Variants in WAPL observed in about 807,000 individuals in gnomAD.
The protein encoded by WAPL is wings apart-like protein homolog.
WAPL carries 5 observed loss-of-function variants against 121.0 expected under a neutral mutation model. The observed-to-expected ratio is 0.04, with a 90% CI of 0.02 to 0.09. The LOEUF (loss-of-function observed/expected upper bound fraction) is 0.09, where lower values mean the gene tolerates loss of function less well. Among genes scored for constraint, WAPL ranks in the 10% least tolerant of loss-of-function variants. The probability of loss-of-function intolerance (pLI) is 1.00; values close to 1 mark genes in which losing one functional copy is unlikely to be tolerated. For missense variants in WAPL, 999 were observed against 1,410.8 expected (o/e 0.71, Z 4.68); for synonymous variants, 480 against 481.5 (o/e 1.00, Z 0.04).
chr10:86,453,372 A>T (rs1156369561), intron 13 of WAPL, 37 bp from the exon 14 acceptor site: 1 of 1,592,602 alleles, frequency 6.3e-7, no homozygotes, highest in Non-Finnish European at 8.6e-7. Context: ...ATGGTTACTG[A>T]TTCTTCCTTA....
rs1291511350 is a variant in WAPL at position 86,461,242 on chromosome 10, G to A, written c.2416C>T (p.Arg806Ter). The A allele has an allele frequency of 1.2e-6, 2 of 1,613,536 alleles. No individual in the cohort carries two copies. The highest frequency in any genetic ancestry group is 8.5e-7 in the Non-Finnish European group (1 of 1,179,876). Residue 806 changes from arginine to a stop codon, truncating the protein, a stop_gained, in exon 10 of 19, where the codon CGA becomes TGA. Coordinates refer to ENST00000298767, the MANE Select transcript of WAPL (RefSeq NM_015045.5). LOFTEE classifies it high-confidence loss of function. ...METLLSLTSK[R>*]AGDWFKEELR... ...TCTTCTTTAAACCAGTCTCCTGCTC[G>A]TTTAGAAGTAAGGGATAATAATGTC...
At chr10:86,502,121 T>C (rs1392237431) in intron 2 of WAPL, among the ~76,000 whole-genome samples, 2 of 152,370 alleles carry the variant, frequency 1.3e-5, no homozygotes, top group East Asian at 1.9e-4. Context: ...TAGAAATAAC[T>C]TTCCACGAAC....
intron 2 of WAPL, among the ~76,000 whole-genome samples, chr10:86,511,204 C>T (rs1272493323): frequency 1.3e-5 from 2 of 152,144 alleles, no homozygotes; most frequent in Non-Finnish European, 2.9e-5. Context: ...AAGGCTGAGG[C>T]AGGAGGCTGA....
Position 86,517,597 on chromosome 10 carries a change from C to T in WAPL, c.473G>A (p.Ser158Asn). The T allele has an allele frequency of 6.2e-7, 1 of 1,612,390 alleles. No homozygotes were observed. The highest frequency in any genetic ancestry group is 8.5e-7 in the Non-Finnish European group (1 of 1,178,926). ...NRIVEDDASISSCNKLITSDK... is the reference protein window; with the variant it reads ...NRIVEDDASINSCNKLITSDK... ...TGAAGTTATTAATTTATTACAGCTA[C>T]TTATGCTTGCATCATCTTCTACAAT... The change falls in exon 2 of 19, where the codon AGT becomes AAT. Residue 158 changes from serine to asparagine, a missense_variant. Transcript: ENST00000298767.
chr10:86,518,079 A>C lies in WAPL; in HGVS notation c.-10T>G. The C allele has an allele frequency of 6.2e-7, 1 of 1,608,912 alleles. No homozygotes were observed. Among genetic ancestry groups the C allele is most frequent in the Non-Finnish European group, 8.5e-7 (1 of 1,177,082 alleles). On this transcript the variant is annotated 5_prime_UTR_variant, in exon 2 of 19. Coordinates refer to ENST00000298767, the MANE Select transcript of WAPL (RefSeq NM_015045.5). ...CAAATCTGGATGTCATTTTGACACC[A>C]GTTTCATATTCTCTGTGAAAAAAAA... is the stretch of plus-strand genomic sequence containing the variant.
At chr10:86,521,174 G>A (rs899809166) in intron 1 of WAPL, among the ~76,000 whole-genome samples, 191 bp downstream of exon 1, 1 of 152,152 alleles carries the variant, frequency 6.6e-6, no homozygotes, top group Non-Finnish European at 1.5e-5. Flanking sequence ...ATCAGCAGTC[G>A]CCCGAAAAAG....
intron 4 of WAPL, among the ~76,000 whole-genome samples, chr10:86,493,435 T>C (rs1842087883): frequency 6.6e-6 from 1 of 152,174 alleles, no homozygotes; most frequent in Non-Finnish European, 1.5e-5. Context: ...TGTACAATTA[T>C]GGTTAAATGC....
At chr10:86,445,500 G>T (rs75510378) in intron 16 of WAPL, among the ~76,000 whole-genome samples, 1,702 of 151,370 alleles carry the variant, frequency 0.011, 32 homozygotes, top group African/African-American at 0.039. Flanking sequence ...AATAATGTAT[G>T]ATTAGCGAAG....
chr10:86,476,296 C>T (rs911070877), intron 4 of WAPL, among the ~76,000 whole-genome samples: 2 of 152,012 alleles, frequency 1.3e-5, no homozygotes, highest in East Asian at 1.9e-4. Context: ...ACCCGGGAGT[C>T]GGAGGTTGCA....
At chr10:86,447,313 T>C (rs1849646916) in intron 15 of WAPL, among the ~76,000 whole-genome samples, 1 of 152,138 alleles carries the variant, frequency 6.6e-6, no homozygotes, top group Non-Finnish European at 1.5e-5. Context: ...GAGATAAAAA[T>C]GTATTAGAAG....
intron 16 of WAPL, among the ~76,000 whole-genome samples, chr10:86,444,747 G>T (rs1321918401): frequency 1.3e-5 from 2 of 151,938 alleles, no homozygotes; most frequent in Non-Finnish European, 2.9e-5. Context: ...TGGAATTAGT[G>T]GTGATGGCAG....
At chr10:86,480,395 T>C (rs1841755123) in intron 4 of WAPL, among the ~76,000 whole-genome samples, 1 of 152,208 alleles carries the variant, frequency 6.6e-6, no homozygotes, top group Admixed American at 6.5e-5. Context: ...AACTTGGTCA[T>C]AAGTTCTAAA....
At chr10:86,484,076 C>T (rs1016388520) in intron 4 of WAPL, among the ~76,000 whole-genome samples, 9 of 151,938 alleles carry the variant, frequency 5.9e-5, no homozygotes, top group Non-Finnish European at 8.8e-5. Flanking sequence ...AAAAAGCTTA[C>T]GGAATAAAGA....
Position 86,437,454 on chromosome 10 carries a change from T to C in WAPL, c.*89A>G, listed in dbSNP as rs1187881969. 1.0e-5 allele frequency: 14 copies of C among 1,366,410 alleles called. No individual in the cohort carries two copies. Among genetic ancestry groups the C allele is most frequent in the Non-Finnish European group, 1.3e-5 (13 of 991,122 alleles). The allele number at this position is 1,366,410 out of a possible 1,614,324, so 84.6% of individuals were successfully genotyped here. A position where few individuals can be genotyped will look rare whatever the true frequency, so the allele number is the denominator to read the frequency against. On this transcript the variant is annotated 3_prime_UTR_variant, in exon 19 of 19. Transcript: ENST00000298767. ...ATGATACTGATGAATGTTCTTGGTA[T>C]ATCTTCAAGGACTTCTTTCATGACT... is the stretch of plus-strand genomic sequence containing the variant.
rs566538414 is a variant in WAPL, at chr10:86,520,507, C to T, written c.-23+858G>A. Among the ~76,000 whole-genome samples, 4 of 152,192 alleles carry T rather than the reference C, an allele frequency of 2.6e-5. No homozygotes were observed. In the South Asian group the frequency reaches 8.3e-4, roughly 32 times the overall value. On this transcript the variant is annotated intron_variant, in intron 1 of 18. Coordinates refer to ENST00000298767, the MANE Select transcript of WAPL (RefSeq NM_015045.5). ...TTATATAATATCTCCTCCTGATTGC[C>T]TTTATCGTTTCCCACAATAAAATGT...
intron 12 of WAPL, among the ~76,000 whole-genome samples, chr10:86,458,337 C>T (rs1437039109): frequency 2.0e-5 from 3 of 152,074 alleles, no homozygotes; most frequent in Admixed American, 6.6e-5. Flanking sequence ...GGAATTTTAC[C>T]TGCAAGGAGG....
Position 86,453,723 on chromosome 10 carries a change from T to A in WAPL, c.2766A>T (p.Val922=). Residue 922 remains valine (V), a synonymous_variant, in exon 13 of 19, where the codon GTA becomes GTT. Coordinates refer to ENST00000298767, the MANE Select transcript of WAPL (RefSeq NM_015045.5). ...TCATGCAGTCCTCCACTGCTTTGCC[T>A]ACATGGTTAGTTACATTCTGGTGAG... ...PLPHQNVTNH[V]GKAVEDCMRA... is the part of the protein sequence containing the mutation. 1 of 1,614,204 alleles carries A rather than the reference T, an allele frequency of 6.2e-7. No homozygotes were observed. The highest frequency in any genetic ancestry group is 8.5e-7 in the Non-Finnish European group (1 of 1,180,028).
Position 86,491,352 on chromosome 10 carries a change from G to T in WAPL, c.1644+5849C>A, listed in dbSNP as rs568330330. On this transcript the variant is annotated intron_variant, in intron 4 of 18. Transcript: ENST00000298767. ...AACGGGATTTCACCGTGTTAGCCAG[G>T]ATGGTCTTGCTCTCCTGACCTCGTG... is the stretch of plus-strand genomic sequence containing the variant. Among the ~76,000 whole-genome samples the T allele has an allele frequency of 1.4e-4, 21 of 151,742 alleles. No individual in the cohort carries two copies. In the South Asian group the frequency reaches 4.4e-3, roughly 32 times the overall value.
intron 7 of WAPL, among the ~76,000 whole-genome samples, chr10:86,471,315 T>C (rs1389135834): frequency 2.6e-5 from 4 of 152,226 alleles, no homozygotes; most frequent in Non-Finnish European, 5.9e-5. Flanking sequence ...TTTAAAAAAA[T>C]AACGTAATTG....
Sources: gnomAD v4.1 joint callset for allele counts (sites outside exome capture counted in the v4.1 genomes callset) on GRCh38, gnomAD v4.1.1 for gene constraint, MANE v1.5 for transcripts, NCBI Gene and HGNC (gene_info 2026-07-23, HGNC 2026-07-21) for gene names.